The following PLCB1 variants were observed in gnomAD, a reference collection of about 807,000 sequenced individuals.
The protein encoded by PLCB1 is 1-phosphatidylinositol 4,5-bisphosphate phosphodiesterase beta-1.
A neutral mutation model predicts 161.8 loss-of-function variants in PLCB1; 46 were observed. The observed-to-expected ratio is 0.28, with a 90% CI of 0.22 to 0.36. The LOEUF is 0.36. PLCB1 is among the 10% of genes least tolerant of loss of function. The pLI is 1.00. For synonymous variants in PLCB1, 517 were observed against 503.7 expected (o/e 1.03, Z -0.35); for missense variants, 1,016 against 1,472.5 (o/e 0.69, Z 5.07).
intron 2 of PLCB1, among the ~76,000 whole-genome samples, chr20:8,341,535 T>G (rs1985809450): frequency 6.6e-6 from 1 of 152,164 alleles, no homozygotes; most frequent in African/African-American, 2.4e-5. Flanking sequence ...TTCTTTTCTC[T>G]CAGATCTTCA....
intron 3 of PLCB1, among the ~76,000 whole-genome samples, chr20:8,572,050 A>G (rs182534136): frequency 6.8e-4 from 104 of 152,354 alleles, no homozygotes; most frequent in African/African-American, 2.4e-3. Flanking sequence ...AAAATTGTTT[A>G]TTACGAGTTT....
intron 27 of PLCB1, among the ~76,000 whole-genome samples, chr20:8,786,139 A>G (rs1983470816): frequency 6.6e-6 from 1 of 152,174 alleles, no homozygotes; most frequent in Admixed American, 6.5e-5. Flanking sequence ...TGATCCCTGG[A>G]TAACTCTCTG....
At chr20:8,760,491 A>C in intron 25 of PLCB1, 31 bp downstream of exon 25, 1 of 1,515,720 alleles carries the variant, frequency 6.6e-7, no homozygotes, top group Admixed American at 1.7e-5. Flanking sequence ...CCATGGAATT[A>C]AGCAGCTCAG....
chr20:8,809,246 G>A (rs1173407493), intron 31 of PLCB1, among the ~76,000 whole-genome samples: 1 of 152,016 alleles, frequency 6.6e-6, no homozygotes, highest in East Asian at 1.9e-4. Flanking sequence ...AGCTCAAAGC[G>A]ATCGTCCCGC....
At chr20:8,756,803 G>A (rs1278321720) in intron 23 of PLCB1, among the ~76,000 whole-genome samples, 1 of 152,154 alleles carries the variant, frequency 6.6e-6, no homozygotes, top group Admixed American at 6.5e-5. Flanking sequence ...AGTGTGGAAG[G>A]GCACCACCAA....
At chr20:8,501,162 C>G (rs557758682) in intron 3 of PLCB1, among the ~76,000 whole-genome samples, 1 of 152,336 alleles carries the variant, frequency 6.6e-6, no homozygotes, top group African/African-American at 2.4e-5. Flanking sequence ...ATGTTCCATT[C>G]AAGACCTGGA....
intron 10 of PLCB1, among the ~76,000 whole-genome samples, chr20:8,695,176 C>A (rs1384133503): frequency 6.6e-6 from 1 of 152,122 alleles, no homozygotes; most frequent in African/African-American, 2.4e-5. Context: ...TTATGCAGAC[C>A]CACTTAATCA....
At chr20:8,137,206 A>G (rs1001428814) in intron 1 of PLCB1, among the ~76,000 whole-genome samples, 2 of 152,260 alleles carry the variant, frequency 1.3e-5, no homozygotes, top group African/African-American at 4.8e-5. Flanking sequence ...GAACTTTTGC[A>G]TTATGTGGAA....
intron 9 of PLCB1, among the ~76,000 whole-genome samples, chr20:8,659,586 A>G (rs967850803): frequency 2.0e-5 from 3 of 152,204 alleles, no homozygotes; most frequent in Non-Finnish European, 2.9e-5. Flanking sequence ...AAATAGCTCT[A>G]GCAAGCTTAT....
rs185414689 is a variant in PLCB1, at chr20:8,433,265, G to A, written c.246+61815G>A. On this transcript the variant is annotated intron_variant, in intron 3 of 31. Transcript: ENST00000338037. ...TTCCAGTAACTGTAAAGTTTTAACCGTGAACTTTCTATTAACTGTAAAGTA... is the reference window on the plus strand; with the variant it reads ...TTCCAGTAACTGTAAAGTTTTAACCATGAACTTTCTATTAACTGTAAAGTA... Among the ~76,000 whole-genome samples the A allele has an allele frequency of 3.3e-4, 50 of 152,246 alleles. 1 individual carries two copies. In the East Asian group the frequency reaches 8.7e-3, roughly 26 times the overall value.
chr20:8,562,266 C>T (rs1259207923), intron 3 of PLCB1, among the ~76,000 whole-genome samples: 2 of 152,018 alleles, frequency 1.3e-5, no homozygotes, highest in Non-Finnish European at 2.9e-5. Flanking sequence ...TGACAAGACC[C>T]CACTGTAGGA....
At position 8,340,954 on chromosome 20, in the gene PLCB1, C is replaced by T. The variant is rs536088392; in HGVS notation, c.178-30428C>T. ...CCTGCTGCCCACTTTGTTCCAAGCT[C>T]TTCCTTGGCCCTGCTATTTTCAGGC... On this transcript the variant is annotated intron_variant, in intron 2 of 31. Coordinates refer to ENST00000338037, the MANE Select transcript of PLCB1 (RefSeq NM_015192.4). Among the ~76,000 whole-genome samples, 38 of 152,276 alleles carry T rather than the reference C, an allele frequency of 2.5e-4. 2 individuals carry two copies. In the South Asian group the frequency reaches 6.4e-3, roughly 26 times the overall value.
intron 31 of PLCB1, among the ~76,000 whole-genome samples, chr20:8,836,610 G>A (rs1986294422): frequency 6.7e-6 from 1 of 148,404 alleles, no homozygotes; most frequent in Non-Finnish European, 1.5e-5. Flanking sequence ...TTAATAAAGA[G>A]GGCACTGATA....
chr20:8,273,149 C>T (rs11699122), intron 2 of PLCB1, among the ~76,000 whole-genome samples: 29,213 of 152,014 alleles, frequency 0.19, 3,308 homozygotes, highest in Non-Finnish European at 0.26. Flanking sequence ...TCAAATTCTA[C>T]CCTTTGGAGA....
chr20:8,423,245 T>C (rs975995994), intron 3 of PLCB1, among the ~76,000 whole-genome samples: 4 of 152,182 alleles, frequency 2.6e-5, no homozygotes, highest in Admixed American at 2.0e-4. Flanking sequence ...CCTGTACTCC[T>C]AGAACAGTGC....
chr20:8,827,966 T>C (rs910060073), intron 31 of PLCB1, among the ~76,000 whole-genome samples: 1 of 152,220 alleles, frequency 6.6e-6, no homozygotes, highest in Non-Finnish European at 1.5e-5. Context: ...CTAAAATATG[T>C]ACTCCCTGGC....
intron 2 of PLCB1, among the ~76,000 whole-genome samples, chr20:8,194,125 A>C (rs1450312794): frequency 6.6e-6 from 1 of 152,040 alleles, no homozygotes; most frequent in Non-Finnish European, 1.5e-5. Context: ...TGTACATCAC[A>C]CTTATTTTGA....
chr20:8,823,544 T>G (rs1164496363), intron 31 of PLCB1, among the ~76,000 whole-genome samples: 1 of 152,222 alleles, frequency 6.6e-6, no homozygotes, highest in Non-Finnish European at 1.5e-5. Context: ...TGTATTATAT[T>G]AGGTTGCTAA....
chr20:8,794,003 A>G (rs1045312733), intron 31 of PLCB1, among the ~76,000 whole-genome samples: 1 of 152,156 alleles, frequency 6.6e-6, no homozygotes, highest in African/African-American at 2.4e-5. Flanking sequence ...TATTTCTCCC[A>G]TTTGCTTTTG....
Sources: gnomAD v4.1 joint callset for allele counts (sites outside exome capture counted in the v4.1 genomes callset) on GRCh38, gnomAD v4.1.1 for gene constraint, MANE v1.5 for transcripts, NCBI Gene and HGNC (gene_info 2026-07-23, HGNC 2026-07-21) for gene names.